SRGAP1: variants seen among roughly 807,000 people sequenced by gnomAD.
SRGAP1 encodes the protein SLIT-ROBO Rho GTPase-activating protein 1.
A neutral mutation model predicts 121.9 loss-of-function variants in SRGAP1; 43 were observed. The ratio of observed to expected loss-of-function variants is 0.35; its 90% CI spans 0.28 to 0.46. The LOEUF (loss-of-function observed/expected upper bound fraction) is 0.46, where lower values mean the gene tolerates loss of function less well. SRGAP1 is among the 20% of genes least tolerant of loss of function. SRGAP1 has a pLI of 1.00. For synonymous variants in SRGAP1, 447 were observed against 485.4 expected, an observed-to-expected ratio of 0.92 and a Z score of 1.04; for missense variants, 1,102 against 1,350.9, an observed-to-expected ratio of 0.82 and a Z score of 2.89.
chr12:64,006,304 C>T (rs1420338240), intron 3 of SRGAP1, among the ~76,000 whole-genome samples: 1 of 152,158 alleles, frequency 6.6e-6, no homozygotes, highest in East Asian at 1.9e-4. Flanking sequence ...GATAAGACTC[C>T]TGGTGGCCCC....
intron 1 of SRGAP1, among the ~76,000 whole-genome samples, chr12:63,901,828 G>A (rs547372754): frequency 6.6e-6 from 1 of 152,296 alleles, no homozygotes; most frequent in African/African-American, 2.4e-5. Context: ...TAATAATCAA[G>A]CTTGAACTCT....
intron 4 of SRGAP1, among the ~76,000 whole-genome samples, chr12:64,035,594 A>G (rs932752474): frequency 6.6e-6 from 1 of 152,208 alleles, no homozygotes; most frequent in Non-Finnish European, 1.5e-5. Context: ...GGCGCTAATT[A>G]TAAGAGGTGT....
In SRGAP1 at chr12:64,150,955, A is replaced by AAAAAAAAAAAAAAAAC. The variant is rs2037114366; in HGVS notation, c.*8288_*8289insAAAAAAAAAACAAAAA. The AAAAAAAAAAAAAAAAC allele has an allele frequency of 6.7e-6, 1 of 148,712 alleles. No individual in the cohort carries two copies. The highest frequency in any genetic ancestry group is 1.5e-5 in the Non-Finnish European group (1 of 66,992). 9.2% of individuals were successfully genotyped at this position (148,712 alleles called of 1,614,324 possible). On this transcript the variant is annotated 3_prime_UTR_variant, in exon 22 of 22. Coordinates refer to ENST00000355086, the MANE Select transcript of SRGAP1 (RefSeq NM_020762.4). ...ATCTCAAAAAAAAAAAAAAAAAAAA[A>AAAAAAAAAAAAAAAAC]AAAAACATGGTCAAGATTTGTAATA... is the stretch of plus-strand genomic sequence containing the variant.
At chr12:64,043,388 T>C in intron 5 of SRGAP1, 59 bp from the exon 6 acceptor site, 10 of 1,529,768 alleles carry the variant, frequency 6.5e-6, no homozygotes, top group Non-Finnish European at 8.9e-6. Flanking sequence ...TATGTTTCTC[T>C]GTCTTGATTA....
At chr12:64,009,133 G>C (rs938787272) in intron 3 of SRGAP1, among the ~76,000 whole-genome samples, 1 of 152,136 alleles carries the variant, frequency 6.6e-6, no homozygotes, top group South Asian at 2.1e-4. Flanking sequence ...TCATAAAGCT[G>C]AGTTGATTGC....
intron 4 of SRGAP1, among the ~76,000 whole-genome samples, chr12:64,022,184 G>A (rs2034564660): frequency 6.6e-6 from 1 of 152,100 alleles, no homozygotes; most frequent in East Asian, 1.9e-4. Context: ...CATGTGCAAA[G>A]TGATTTACTA....
At position 64,128,092 on chromosome 12, in the gene SRGAP1, C is replaced by A; in HGVS notation, c.2772C>A (p.His924Gln). Residue 924 changes from histidine (H) to glutamine (Q), a missense_variant, in exon 21 of 22, where the codon CAC (histidine) becomes CAA (glutamine). Physicochemically the swap from His to Gln is conservative, Grantham distance 24 (BLOSUM62 0). This residue lies in a region of SRGAP1 where 315 missense variants were observed against 343.1 expected (regional missense o/e 0.92). Transcript: ENST00000355086. ...GCAGCCTGACCAACATCAGCCGGCACGACTCCCTCAAGAAGATCGACAGCC... is the reference window on the plus strand; with the variant it reads ...GCAGCCTGACCAACATCAGCCGGCAAGACTCCCTCAAGAAGATCGACAGCC... ...GHGSLTNISR[H>Q]DSLKKIDSPP... The A allele has an allele frequency of 6.2e-7, 1 of 1,614,104 alleles. No homozygotes were observed. The highest frequency in any genetic ancestry group is 8.5e-7 in the Non-Finnish European group (1 of 1,180,026).
chr12:63,892,420 T>C (rs1264525938), intron 1 of SRGAP1, among the ~76,000 whole-genome samples: 1 of 152,232 alleles, frequency 6.6e-6, no homozygotes, highest in Non-Finnish European at 1.5e-5. Context: ...ACAAATGCCT[T>C]CTATGTAATG....
intron 3 of SRGAP1, among the ~76,000 whole-genome samples, chr12:64,002,621 C>T (rs766874991): frequency 3.5e-4 from 53 of 152,236 alleles, no homozygotes; most frequent in Non-Finnish European, 5.6e-4. Flanking sequence ...TAGACAGAAA[C>T]CTACCAAAGA....
intron 1 of SRGAP1, among the ~76,000 whole-genome samples, chr12:63,951,725 G>A (rs2032304260): frequency 6.6e-6 from 1 of 152,076 alleles, no homozygotes; most frequent in African/African-American, 2.4e-5. Flanking sequence ...CTGACTTGTA[G>A]AATGTTTATG....
chr12:64,076,105 A>G (rs1421711260), intron 8 of SRGAP1, among the ~76,000 whole-genome samples: 1 of 152,212 alleles, frequency 6.6e-6, no homozygotes, highest in Non-Finnish European at 1.5e-5. Flanking sequence ...AATAAAATCC[A>G]GAGATTCTGA....
intron 1 of SRGAP1, among the ~76,000 whole-genome samples, chr12:63,943,405 C>T (rs759022993): frequency 6.6e-6 from 1 of 152,142 alleles, no homozygotes; most frequent in African/African-American, 2.4e-5. Context: ...TGCCAGGCCC[C>T]CATCCAAGTG....
chr12:63,878,389 C>A (rs1473205712), intron 1 of SRGAP1, among the ~76,000 whole-genome samples: 1 of 152,166 alleles, frequency 6.6e-6, no homozygotes, highest in East Asian at 1.9e-4. Flanking sequence ...AAAAATAGAT[C>A]ATAGTTTTCT....
At chr12:63,886,900 G>A (rs994602595) in intron 1 of SRGAP1, among the ~76,000 whole-genome samples, 1 of 152,092 alleles carries the variant, frequency 6.6e-6, no homozygotes, top group African/African-American at 2.4e-5. Flanking sequence ...TTGAGATGGA[G>A]TCTCGCTCTG....
rs751982195 is a variant in SRGAP1, at chr12:64,042,986, T to C, written c.672+14T>C. The C allele has an allele frequency of 2.0e-5, 32 of 1,591,436 alleles. No homozygotes were observed. In the Middle Eastern group the frequency reaches 3.0e-3, roughly 149 times the overall value. On this transcript the variant is annotated intron_variant, in intron 5 of 21. Transcript: ENST00000355086. ...ATGAAAGAAAAAGTAAGTAAAGAGA[T>C]TGCAGAGCTCTTCTGCCTTCATTTG...
At chr12:64,062,804 G>T in intron 6 of SRGAP1, 113 bp from the exon 7 acceptor site, 1 of 712,902 alleles carries the variant, frequency 1.4e-6, no homozygotes. Flanking sequence ...CCAATGTCAT[G>T]AAAGCTTACC....
chr12:64,009,730 T>C (rs1339694086), intron 3 of SRGAP1, among the ~76,000 whole-genome samples: 1 of 148,368 alleles, frequency 6.7e-6, no homozygotes, highest in African/African-American at 2.5e-5. Context: ...TCTCCTTTTC[T>C]AGTGGCATGG....
intron 3 of SRGAP1, among the ~76,000 whole-genome samples, chr12:64,007,892 T>G (rs2034134662): frequency 6.6e-6 from 1 of 152,194 alleles, no homozygotes. Flanking sequence ...AAAGTAAATC[T>G]TGAATTATGT....
intron 4 of SRGAP1, among the ~76,000 whole-genome samples, chr12:64,025,115 G>A (rs1393382413): frequency 2.0e-5 from 3 of 150,358 alleles, no homozygotes; most frequent in Admixed American, 6.6e-5. Context: ...TGGCCTTTAC[G>A]TATCTTTGAA....
Sources: allele counts gnomAD v4.1 joint callset (sites outside exome capture counted in the v4.1 genomes callset), GRCh38; gene constraint gnomAD v4.1.1; regional missense constraint gnomAD v4.1.1; transcripts MANE v1.5; gene names NCBI Gene and HGNC (gene_info 2026-07-23, HGNC 2026-07-21).